SNTB1: variants seen among roughly 807,000 people sequenced by gnomAD.
The protein encoded by SNTB1 is syntrophin beta 1, also known as beta-1-syntrophin.
A neutral mutation model predicts 48.9 loss-of-function variants in SNTB1; 36 were observed. That is an observed-to-expected ratio of 0.74 (90% CI 0.56 to 0.97). SNTB1 has a LOEUF of 0.97. Ranked by LOEUF, SNTB1 falls within the 50% of genes least tolerant of loss-of-function variation. The pLI, the probability that SNTB1 is intolerant of heterozygous loss-of-function variation, is 0.00. For missense variants in SNTB1, 786 were observed against 703.4 expected (o/e 1.12, Z -1.33); for synonymous variants, 299 against 294.6 (o/e 1.01, Z -0.15).
In SNTB1 at chr8:120,709,913, T is replaced by TA. The variant is rs200559873; in HGVS notation, c.572-16006dup. Among the ~76,000 whole-genome samples, 919 of 146,830 alleles carry TA rather than the reference T, an allele frequency of 6.3e-3. 8 individuals carry two copies. Among genetic ancestry groups the TA allele is most frequent in the Middle Eastern group, 0.028 (8 of 290 alleles). ...TGATATATGTAAAGTGTCTGGTATT[T>TA]AAAAAAAAAAAGGTATGCCATAAAT... On this transcript the variant is annotated intron_variant, in intron 1 of 6. Coordinates refer to ENST00000517992, the MANE Select transcript of SNTB1 (RefSeq NM_021021.4).
At chr8:120,657,122 C>T (rs1817514497) in intron 2 of SNTB1, among the ~76,000 whole-genome samples, 1 of 152,196 alleles carries the variant, frequency 6.6e-6, no homozygotes, top group Admixed American at 6.5e-5. Context: ...TATACATGTA[C>T]AAGCTACTCT....
At chr8:120,576,342 G>A (rs535417137) in intron 3 of SNTB1, among the ~76,000 whole-genome samples, 1 of 152,268 alleles carries the variant, frequency 6.6e-6, no homozygotes, top group South Asian at 2.1e-4. Flanking sequence ...CTAAATAAGT[G>A]ATAAAGCTAA....
At chr8:120,755,132 T>C (rs1392840577) in intron 1 of SNTB1, among the ~76,000 whole-genome samples, 1 of 140,676 alleles carries the variant, frequency 7.1e-6, no homozygotes, top group Admixed American at 7.3e-5. Context: ...GTCTAAGCTA[T>C]GCTGTGGTGT....
At chr8:120,588,746 T>A (rs998998835) in intron 3 of SNTB1, among the ~76,000 whole-genome samples, 1 of 152,212 alleles carries the variant, frequency 6.6e-6, no homozygotes. Context: ...AATTAGGTAA[T>A]GTATTTCAAG....
Position 120,538,778 on chromosome 8 carries a change from G to A in SNTB1, c.*99C>T, listed in dbSNP as rs1474623060. 3.4e-5 allele frequency: 33 copies of A among 978,124 alleles called. No homozygotes were observed. Among genetic ancestry groups the A allele is most frequent in the Non-Finnish European group, 5.0e-5 (30 of 603,478 alleles). The allele number at this position is 978,124 out of a possible 1,614,324, so 60.6% of individuals were successfully genotyped here. A position where few individuals can be genotyped will look rare whatever the true frequency, so the allele number is the denominator to read the frequency against. ...TGAGAGCTAAAGCTGACTGTAGCAC[G>A]CTACATCTGGTGCGCTGCTCACTAC... On this transcript the variant is annotated 3_prime_UTR_variant, in exon 7 of 7. Coordinates refer to ENST00000517992, the MANE Select transcript of SNTB1 (RefSeq NM_021021.4).
intron 4 of SNTB1, among the ~76,000 whole-genome samples, chr8:120,554,704 C>G (rs1051127205): frequency 1.3e-5 from 2 of 152,154 alleles, no homozygotes; most frequent in African/African-American, 4.8e-5. Flanking sequence ...CACCTAATGC[C>G]CGCAGGCTAT....
At chr8:120,653,856 G>A (rs1201548280) in intron 2 of SNTB1, among the ~76,000 whole-genome samples, 2 of 151,234 alleles carry the variant, frequency 1.3e-5, no homozygotes, top group Non-Finnish European at 2.9e-5. Flanking sequence ...TGGCTAACAC[G>A]GTGAAACCCC....
chr8:120,733,629 G>T (rs1410890202), intron 1 of SNTB1, among the ~76,000 whole-genome samples: 4 of 152,168 alleles, frequency 2.6e-5, no homozygotes, highest in Non-Finnish European at 4.4e-5. Context: ...CAAATAATTA[G>T]CTCTGACATA....
intron 3 of SNTB1, among the ~76,000 whole-genome samples, chr8:120,576,114 T>C (rs1815946657): frequency 6.6e-6 from 1 of 152,184 alleles, no homozygotes; most frequent in South Asian, 2.1e-4. Context: ...ATCAGCATCA[T>C]TTGGGAGCTT....
intron 1 of SNTB1, among the ~76,000 whole-genome samples, chr8:120,744,509 CTT>C (rs1435155795): frequency 6.6e-6 from 1 of 152,150 alleles, no homozygotes; most frequent in African/African-American, 2.4e-5. Context: ...TTCAGTTACT[CTT>C]AGTATGTTTG....
intron 1 of SNTB1, among the ~76,000 whole-genome samples, chr8:120,805,297 A>C (rs188274795): frequency 3.9e-5 from 6 of 152,286 alleles, no homozygotes; most frequent in Non-Finnish European, 7.4e-5. Flanking sequence ...TTACGTGGCA[A>C]AGGGGAATTA....
chr8:120,614,252 C>A (rs1374241973), intron 3 of SNTB1, among the ~76,000 whole-genome samples: 5 of 152,202 alleles, frequency 3.3e-5, no homozygotes, highest in Non-Finnish European at 5.9e-5. Context: ...GAGAGATACC[C>A]TGTCCAAAGT....
At chr8:120,731,724 G>A (rs1818854395) in intron 1 of SNTB1, among the ~76,000 whole-genome samples, 2 of 152,162 alleles carry the variant, frequency 1.3e-5, no homozygotes, top group African/African-American at 4.8e-5. Context: ...GTGAGTACCA[G>A]ACCCAGAACC....
chr8:120,633,628 T>A (rs1413091416), intron 2 of SNTB1, among the ~76,000 whole-genome samples: 4 of 151,676 alleles, frequency 2.6e-5, no homozygotes, highest in South Asian at 4.2e-4. Context: ...TAAAATAAAT[T>A]AAAATAAAAA....
chr8:120,703,846 G>A (rs573785938), intron 1 of SNTB1, among the ~76,000 whole-genome samples: 1 of 152,340 alleles, frequency 6.6e-6, no homozygotes, highest in South Asian at 2.1e-4. Context: ...CTTACCACGT[G>A]TTGAACCTGG....
intron 1 of SNTB1, among the ~76,000 whole-genome samples, chr8:120,795,875 C>G (rs557555128): frequency 2.6e-5 from 4 of 152,102 alleles, no homozygotes; most frequent in Non-Finnish European, 5.9e-5. Context: ...TATGGCCCCT[C>G]CCTATGTGCA....
At chr8:120,775,618 CGAAA>C (rs1186483716) in intron 1 of SNTB1, 1 of 123,730 alleles carries the variant, frequency 8.1e-6, no homozygotes, top group Admixed American at 9.2e-5. Flanking sequence ...AAAGGAAGAA[CGAAA>C]GAAAGAATGA....
At chr8:120,735,872 G>A (rs760590348) in intron 1 of SNTB1, among the ~76,000 whole-genome samples, 3 of 152,208 alleles carry the variant, frequency 2.0e-5, no homozygotes, top group Admixed American at 1.3e-4. Context: ...AGCACCATGG[G>A]TGGCTCACAA....
At chr8:120,540,331 T>C (rs948480959) in intron 6 of SNTB1, among the ~76,000 whole-genome samples, 1 of 152,230 alleles carries the variant, frequency 6.6e-6, no homozygotes, top group African/African-American at 2.4e-5. Flanking sequence ...GTGTCTGAAT[T>C]TGAGCTCGTC....
Sources: allele counts gnomAD v4.1 joint callset (sites outside exome capture counted in the v4.1 genomes callset), GRCh38; gene constraint gnomAD v4.1.1; transcripts MANE v1.5; gene names NCBI Gene and HGNC (gene_info 2026-07-23, HGNC 2026-07-21).